The following RBPJ variants were observed in gnomAD, a reference collection of about 807,000 sequenced individuals.
The protein encoded by RBPJ is recombining binding protein suppressor of hairless.
A neutral mutation model predicts 67.8 loss-of-function variants in RBPJ; 9 were observed. The ratio of observed to expected loss-of-function variants is 0.13; its 90% CI spans 0.08 to 0.23. The LOEUF (loss-of-function observed/expected upper bound fraction) is 0.23. Ranked by LOEUF, RBPJ falls within the 10% of genes least tolerant of loss-of-function variation. The pLI is 1.00. For missense variants in RBPJ, 305 were observed against 595.6 expected (o/e 0.51, Z 5.08); for synonymous variants, 198 against 203.3 (o/e 0.97, Z 0.22).
intron 1 of RBPJ, among the ~76,000 whole-genome samples, chr4:26,375,402 A>G (rs909383399): frequency 6.6e-6 from 1 of 151,852 alleles, no homozygotes; most frequent in Non-Finnish European, 1.5e-5. Context: ...CTTCATATGG[A>G]TAGGGACAGT....
the RBPJ span, among the ~76,000 whole-genome samples, chr4:26,146,836 C>T: frequency 6.6e-6 from 1 of 152,174 alleles, no homozygotes; most frequent in Non-Finnish European, 1.5e-5. Flanking sequence ...GCAATCTGAG[C>T]TCTGAATGAA....
chr4:26,296,136 G>A (rs78848694), intron 1 of RBPJ, among the ~76,000 whole-genome samples: 11,559 of 152,164 alleles, frequency 0.076, 1,360 homozygotes, highest in African/African-American at 0.25. Flanking sequence ...TCCTTGAACT[G>A]GCAATTTCTG....
chr4:26,141,582 G>A, the RBPJ span, among the ~76,000 whole-genome samples: 5 of 152,206 alleles, frequency 3.3e-5, no homozygotes, highest in African/African-American at 1.2e-4. Context: ...TGCATACAAC[G>A]TATGAGGATC....
rs1170151346 is a variant in RBPJ, at chr4:26,342,351, AG to A, written c.20+21305del. 4.0e-5 allele frequency among the ~76,000 whole-genome samples: 6 copies of A among 150,956 alleles called. 1 individual carries two copies. On this transcript the variant is annotated intron_variant, in intron 1 of 10. Coordinates refer to ENST00000355476, the MANE Select transcript of RBPJ (RefSeq NM_015874.6). ...AGACCTTGCCATCGTTTGGTGAGGG[AG>A]GTAGTATTATCTTGTTTTACAGAAA...
At chr4:26,111,998 T>A in the RBPJ span, 2 of 188,522 alleles carry the variant, frequency 1.1e-5, no homozygotes, top group South Asian at 2.4e-4. Context: ...AGCAATCTGG[T>A]CTCAGCCAGG....
chr4:26,370,025 A>C (rs1729005330), intron 1 of RBPJ, among the ~76,000 whole-genome samples: 1 of 152,188 alleles, frequency 6.6e-6, no homozygotes, highest in South Asian at 2.1e-4. Context: ...TCTGACCAAC[A>C]AGGATCAAGT....
chr4:26,222,323 G>A (rs544586433), intron 1 of RBPJ, among the ~76,000 whole-genome samples: 1 of 151,994 alleles, frequency 6.6e-6, no homozygotes, highest in Admixed American at 6.6e-5. Flanking sequence ...GTGAAAATCC[G>A]TCTGTACTAA....
intron 1 of RBPJ, among the ~76,000 whole-genome samples, chr4:26,292,424 T>C (rs528096596): frequency 6.7e-6 from 1 of 150,252 alleles, no homozygotes; most frequent in Admixed American, 6.7e-5. Flanking sequence ...GACTGAATAA[T>C]ATATATATTT....
intron 1 of RBPJ, among the ~76,000 whole-genome samples, chr4:26,326,127 A>G (rs898079174): frequency 2.0e-5 from 3 of 152,166 alleles, no homozygotes; most frequent in African/African-American, 2.4e-5. Context: ...ATGTGGCACA[A>G]TTTTAAAATT....
At chr4:26,270,440 G>GAAAGAAAGAAAGAAA (rs1720878706) in intron 1 of RBPJ, among the ~76,000 whole-genome samples, 2 of 95,460 alleles carry the variant, frequency 2.1e-5, no homozygotes, top group Admixed American at 2.0e-4. Flanking sequence ...AAAGAAAGAA[G>GAAAGAAAGAAAGAAA]AAAGAAAGAA....
At chr4:26,245,262 C>A (rs542478095) in intron 1 of RBPJ, among the ~76,000 whole-genome samples, 2 of 139,912 alleles carry the variant, frequency 1.4e-5, no homozygotes, top group East Asian at 4.2e-4. Context: ...AGGCTGGAGT[C>A]CAGTGGTGCA....
At chr4:26,370,886 C>T (rs1577545126) in intron 1 of RBPJ, among the ~76,000 whole-genome samples, 2 of 152,062 alleles carry the variant, frequency 1.3e-5, no homozygotes, top group Admixed American at 6.6e-5. Flanking sequence ...CGAGACAATC[C>T]TTGCTAACAC....
chr4:26,161,015 C>A (rs1716067271), upstream of RBPJ, among the ~76,000 whole-genome samples: 1 of 152,234 alleles, frequency 6.6e-6, no homozygotes, highest in Admixed American at 6.5e-5. Flanking sequence ...GTTCTTGGCC[C>A]ATACTGCCAA....
intron 1 of RBPJ, among the ~76,000 whole-genome samples, chr4:26,179,656 T>C (rs1716912703): frequency 6.6e-6 from 1 of 151,786 alleles, no homozygotes; most frequent in Non-Finnish European, 1.5e-5. Context: ...TACTAAAAAG[T>C]CAAAAAATAA....
intron 1 of RBPJ, among the ~76,000 whole-genome samples, chr4:26,171,347 C>T (rs1236786708): frequency 6.6e-6 from 1 of 151,956 alleles, no homozygotes; most frequent in Non-Finnish European, 1.5e-5. Context: ...CAAGGTATCA[C>T]TGTAATGAGA....
At chr4:26,133,248 TTG>T in the RBPJ span, among the ~76,000 whole-genome samples, 1 of 152,254 alleles carries the variant, frequency 6.6e-6, no homozygotes, top group African/African-American at 2.4e-5. Flanking sequence ...TGGGAATTCG[TTG>T]TGTTTCCATC....
intron 1 of RBPJ, among the ~76,000 whole-genome samples, chr4:26,344,524 C>T (rs1054737933): frequency 2.6e-5 from 4 of 152,176 alleles, no homozygotes; most frequent in Non-Finnish European, 4.4e-5. Context: ...CGTGAGCCAC[C>T]GCGCCCGGCT....
chr4:26,215,466 T>C (rs2109183102), intron 1 of RBPJ, among the ~76,000 whole-genome samples: 1 of 150,936 alleles, frequency 6.6e-6, no homozygotes, highest in South Asian at 2.1e-4. Context: ...CAAAAACAAC[T>C]GGAAAAGGAA....
At chr4:26,406,428 AG>A (rs1406055835) in intron 3 of RBPJ, among the ~76,000 whole-genome samples, 158 bp downstream of exon 3, 1 of 152,218 alleles carries the variant, frequency 6.6e-6, no homozygotes, top group Non-Finnish European at 1.5e-5. Context: ...GGAGAAACAA[AG>A]TGAATTGTGG....
Sources: allele counts gnomAD v4.1 joint callset (sites outside exome capture counted in the v4.1 genomes callset), GRCh38; gene constraint gnomAD v4.1.1; transcripts MANE v1.5; gene names NCBI Gene and HGNC (gene_info 2026-07-23, HGNC 2026-07-21).